Variants in POC5 observed in about 807,000 individuals in gnomAD.
POC5 encodes POC5 centriolar protein.
Under a neutral mutation model 62.9 loss-of-function variants are expected in POC5, and 48 were observed. The observed-to-expected ratio is 0.76, with a 90% CI of 0.61 to 0.97. The LOEUF (loss-of-function observed/expected upper bound fraction) is 0.97. Ranked by LOEUF, POC5 falls within the 50% of genes least tolerant of loss-of-function variation. The pLI is 0.00. For synonymous variants in POC5, 236 were observed against 228.2 expected (o/e 1.03, Z -0.31); for missense variants, 696 against 679.5 (o/e 1.02, Z -0.27).
At chr5:75,713,190 G>A (rs916855464) in intron 1 of POC5, among the ~76,000 whole-genome samples, 4 of 152,188 alleles carry the variant, frequency 2.6e-5, no homozygotes, top group African/African-American at 7.2e-5. Context: ...AATCCCCAGC[G>A]GGGCCTGTTG....
chr5:75,707,960 A>G (rs760207558), intron 2 of POC5, 85 bp from the exon 3 acceptor site: 15 of 1,245,806 alleles, frequency 1.2e-5, no homozygotes, highest in Non-Finnish European at 1.7e-5. Context: ...AAGAAATTTA[A>G]TTACCATAAT....
At position 75,690,682 on chromosome 5, in the gene POC5, A is replaced by G. The variant is rs533165231; in HGVS notation, c.796-120T>C. 5 of 875,600 alleles carry G rather than the reference A, an allele frequency of 5.7e-6. No homozygotes were observed. The African/African-American group carries it at 8.5e-5, about 15-fold the overall frequency. 54.2% of individuals were successfully genotyped at this position (875,600 alleles called of 1,614,324 possible). Reference sequence around the variant, plus strand: ...ACACATTATTTAATTCTATGTAATCATATTATTCTCATCTTGCATATAGGA... The same window carrying G: ...ACACATTATTTAATTCTATGTAATCGTATTATTCTCATCTTGCATATAGGA... On this transcript the variant is annotated intron_variant, in intron 7 of 11. Transcript: ENST00000428202.
At position 75,702,596 on chromosome 5, in the gene POC5, G is replaced by A. The variant is rs767337074; in HGVS notation, c.513+9C>T. The A allele has an allele frequency of 1.2e-6, 2 of 1,609,678 alleles. No individual in the cohort carries two copies. Among genetic ancestry groups the A allele is most frequent in the South Asian group, 2.2e-5 (2 of 90,418 alleles). On this transcript the variant is annotated intron_variant, in intron 5 of 11. Transcript: ENST00000428202. ...AAACAACTGTAATTGAAGAACTGCT[G>A]TACCGTACCTTAAGACCTGAACTCC...
chr5:75,683,394 C>T lies in POC5; in HGVS notation c.1407+1813G>A, dbSNP rs142023502. 2.3e-3 allele frequency among the ~76,000 whole-genome samples: 342 copies of T among 151,832 alleles called. 1 individual carries two copies. In the East Asian group the frequency reaches 0.028, roughly 13 times the overall value. ...GATTACAGGTGCCCACCACCATGCC[C>T]GGCTAATTTTTTATATTTTTAGTAG... On this transcript the variant is annotated intron_variant, in intron 10 of 11. Transcript: ENST00000428202.
intron 10 of POC5, among the ~76,000 whole-genome samples, chr5:75,683,544 GACTA>G (rs554662942): frequency 2.3e-4 from 35 of 151,898 alleles, no homozygotes; most frequent in Admixed American, 1.1e-3. Context: ...TTTTTAAACT[GACTA>G]ACTAATCACT....
intron 2 of POC5, chr5:75,712,576 C>A (rs1561484657): frequency 2.1e-6 from 2 of 961,500 alleles, no homozygotes; most frequent in Non-Finnish European, 1.6e-6. Context: ...AAAATTTAAA[C>A]AAAAAAATGT....
intron 2 of POC5, among the ~76,000 whole-genome samples, chr5:75,711,204 A>G (rs971856739): frequency 2.0e-5 from 3 of 152,226 alleles, no homozygotes; most frequent in Non-Finnish European, 4.4e-5. Flanking sequence ...GAATCAAAAT[A>G]AACAATATTG....
chr5:75,687,638 A>G (rs1776152289), intron 9 of POC5, among the ~76,000 whole-genome samples: 1 of 152,222 alleles, frequency 6.6e-6, no homozygotes, highest in African/African-American at 2.4e-5. Flanking sequence ...TAGGAGACAC[A>G]GTTGCATTTC....
chr5:75,685,758 C>T lies in POC5; in HGVS notation c.1130-274G>A, dbSNP rs149567033. On this transcript the variant is annotated intron_variant, in intron 9 of 11. Transcript: ENST00000428202. The stretch of plus-strand genomic sequence containing the variant: ...AAAAGATGAAAATAAATTATGTACT[C>T]AGCTGGGACCTTAGCTAAGTAGAGT... 1.2e-3 allele frequency among the ~76,000 whole-genome samples: 182 copies of T among 152,276 alleles called. 1 individual carries two copies. The highest frequency in any genetic ancestry group is 3.9e-3 in the African/African-American group (163 of 41,564).
In POC5 at chr5:75,705,831, A is replaced by C. The variant is rs963677369; in HGVS notation, c.224-44T>G. 7 of 1,203,584 alleles carry C rather than the reference A, an allele frequency of 5.8e-6. No homozygotes were observed. The Admixed American group carries it at 1.8e-4, about 31-fold the overall frequency. The allele number at this position is 1,203,584 out of a possible 1,614,324, so 74.6% of individuals were successfully genotyped here. On this transcript the variant is annotated intron_variant, in intron 3 of 11. Transcript: ENST00000428202. ...TTTAAAATTAAACTGAACCACTCTT[A>C]AATAAAATGTCTAATCACACATAAT... is the stretch of plus-strand genomic sequence containing the variant.
intron 2 of POC5, among the ~76,000 whole-genome samples, chr5:75,711,872 C>T (rs2112214108): frequency 6.6e-6 from 1 of 152,296 alleles, no homozygotes; most frequent in South Asian, 2.1e-4. Context: ...TGAGAGCTCA[C>T]AAGGTGTTTA....
intron 5 of POC5, among the ~76,000 whole-genome samples, chr5:75,695,163 T>C (rs1776509794): frequency 6.6e-6 from 1 of 152,158 alleles, no homozygotes; most frequent in African/African-American, 2.4e-5. Flanking sequence ...GGATCAGGAA[T>C]AAAGGGAAAC....
chr5:75,702,539 T>C (rs1193001874), intron 5 of POC5, 66 bp downstream of exon 5: 2 of 1,440,616 alleles, frequency 1.4e-6, no homozygotes, highest in East Asian at 4.8e-5. Context: ...CAAAACAGTA[T>C]AAATGAGAGT....
At chr5:75,708,879 C>A (rs1777229992) in intron 2 of POC5, among the ~76,000 whole-genome samples, 1 of 152,130 alleles carries the variant, frequency 6.6e-6, no homozygotes, top group African/African-American at 2.4e-5. Flanking sequence ...GTAGCCCAGG[C>A]TGGAGTGCAG....
At chr5:75,693,140 T>C (rs1011207301) in intron 6 of POC5, among the ~76,000 whole-genome samples, 2 of 147,418 alleles carry the variant, frequency 1.4e-5, no homozygotes, top group Non-Finnish European at 3.0e-5. Context: ...TAAATATATA[T>C]AATTAATGTT....
intron 4 of POC5, among the ~76,000 whole-genome samples, chr5:75,704,006 T>G (rs1211069347): frequency 6.6e-6 from 1 of 151,672 alleles, no homozygotes; most frequent in Non-Finnish European, 1.5e-5. Flanking sequence ...ATACAAAAAA[T>G]TAGCCAGGCA....
intron 10 of POC5, among the ~76,000 whole-genome samples, chr5:75,683,531 C>CT (rs1012063343): frequency 1.3e-5 from 2 of 152,054 alleles, no homozygotes; most frequent in African/African-American, 4.8e-5. Flanking sequence ...CCGCGCATGG[C>CT]TTTTTTTAAA....
Position 75,674,206 on chromosome 5 carries a change from T to C in POC5, c.*229A>G, listed in dbSNP as rs991104040. Reference sequence around the variant, plus strand: ...AAAGAAATAAAGTCCAGTTTCTTTTTTAATTTAAAAAAGTTTTACTTAATT... The same window carrying C: ...AAAGAAATAAAGTCCAGTTTCTTTTCTAATTTAAAAAAGTTTTACTTAATT... On this transcript the variant is annotated 3_prime_UTR_variant, in exon 12 of 12. Coordinates refer to ENST00000428202, the MANE Select transcript of POC5 (RefSeq NM_001099271.2). 6.1e-6 allele frequency: 2 copies of C among 327,608 alleles called. No homozygotes were observed. Among genetic ancestry groups the C allele is most frequent in the Non-Finnish European group, 1.1e-5 (2 of 183,702 alleles). The allele number at this position is 327,608 out of a possible 1,614,324, so 20.3% of individuals were successfully genotyped here.
chr5:75,714,978 A>G (rs1265149093), intron 1 of POC5, among the ~76,000 whole-genome samples: 1 of 152,176 alleles, frequency 6.6e-6, no homozygotes, highest in East Asian at 1.9e-4. Context: ...AAAAGTTCTT[A>G]TCCTGAGGTC....
Sources: gnomAD v4.1 joint callset for allele counts (sites outside exome capture counted in the v4.1 genomes callset) on GRCh38, gnomAD v4.1.1 for gene constraint, MANE v1.5 for transcripts, NCBI Gene and HGNC (gene_info 2026-07-23, HGNC 2026-07-21) for gene names.